The following FGF8 variants were observed in gnomAD, a reference collection of about 807,000 sequenced individuals.
FGF8 encodes fibroblast growth factor 8.
Under a neutral mutation model 29.7 loss-of-function variants are expected in FGF8, and 12 were observed. That is an observed-to-expected ratio of 0.40 (90% CI 0.26 to 0.65). The LOEUF is 0.65. Among genes scored for constraint, FGF8 ranks in the 30% least tolerant of loss-of-function variants. FGF8 has a pLI of 0.37. For synonymous variants in FGF8, 157 were observed against 144.4 expected, an observed-to-expected ratio of 1.09 and a Z score of -0.63; for missense variants, 271 against 345.1, an observed-to-expected ratio of 0.79 and a Z score of 1.70.
chr10:101,778,261 A>C (rs1043383051), upstream of FGF8, among the ~76,000 whole-genome samples: 1 of 152,208 alleles, frequency 6.6e-6, no homozygotes, highest in African/African-American at 2.4e-5. Context: ...TCTGAACATC[A>C]GTGAGATAAG....
Position 101,775,596 on chromosome 10 carries a change from G to C in FGF8, c.69+144C>G. On this transcript the variant is annotated intron_variant, in intron 2 of 5. Coordinates refer to ENST00000320185, the MANE Select transcript of FGF8 (RefSeq NM_033163.5). This position sits in a 1 kb window ranked among gnomAD's most constrained non-coding sequence, Gnocchi z 4.6. ...CTCTCTGTGCCTCAGCTCCCTCCTC[G>C]GGGTGGCTCGGGGCTGGGTTTCTAA... 1.2e-6 allele frequency: 1 copy of C among 862,474 alleles called. No individual in the cohort carries two copies. Among genetic ancestry groups the C allele is most frequent in the Non-Finnish European group, 1.8e-6 (1 of 562,730 alleles). The allele number at this position is 862,474 out of a possible 1,614,324, so 53.4% of individuals were successfully genotyped here.
chr10:101,774,019 C>A (rs763468692), intron 4 of FGF8, among the ~76,000 whole-genome samples: 1 of 152,234 alleles, frequency 6.6e-6, no homozygotes, highest in Admixed American at 6.5e-5. Context: ...TTTAAACTCA[C>A]AATAATCGCT....
Position 101,772,805 on chromosome 10 carries a change from C to T in FGF8, c.338-1236G>A, listed in dbSNP as rs1564631504. On this transcript the variant is annotated intron_variant, in intron 4 of 5. Coordinates refer to ENST00000320185, the MANE Select transcript of FGF8 (RefSeq NM_033163.5). The surrounding 1 kb of genome is among the most constrained non-coding windows in gnomAD (Gnocchi z 4.4). ...GTGCTGGGACCAGTGGCCAAGCCCC[C>T]GGTTTGGCCCCAAGTCAGCAGGGAA... Among the ~76,000 whole-genome samples, 3 of 152,274 alleles carry T rather than the reference C, an allele frequency of 2.0e-5. No individual in the cohort carries two copies. Among genetic ancestry groups the T allele is most frequent in the South Asian group, 4.1e-4 (2 of 4,822 alleles).
In FGF8 at chr10:101,775,614, G is replaced by GT; in HGVS notation, c.69+125dup. The stretch of plus-strand genomic sequence containing the variant: ...CCTCCTCGGGGTGGCTCGGGGCTGG[G>GT]TTTCTAAGGTGCCCTCAGCCCTCCC... On this transcript the variant is annotated intron_variant, in intron 2 of 5. Transcript: ENST00000320185. This position sits in a 1 kb window ranked among gnomAD's most constrained non-coding sequence, Gnocchi z 4.6. 8.8e-7 allele frequency: 1 copy of GT among 1,135,716 alleles called. No homozygotes were observed. Among genetic ancestry groups the GT allele is most frequent in the Non-Finnish European group, 1.2e-6 (1 of 804,106 alleles). The allele number at this position is 1,135,716 out of a possible 1,614,324, so 70.4% of individuals were successfully genotyped here. A position where few individuals can be genotyped will look rare whatever the true frequency, so the allele number is the denominator to read the frequency against.
Position 101,775,844 on chromosome 10 carries a change from C to CGGGGGGGGGGGGGGGGG in FGF8, c.32+24_32+25insCCCCCCCCCCCCCCCCC. The CGGGGGGGGGGGGGGGGG allele has an allele frequency of 8.8e-7, 1 of 1,131,556 alleles. No individual in the cohort carries two copies. Among genetic ancestry groups the CGGGGGGGGGGGGGGGGG allele is most frequent in the Admixed American group, 2.9e-5 (1 of 34,076 alleles). 70.1% of individuals were successfully genotyped at this position (1,131,556 alleles called of 1,614,324 possible). A position where few individuals can be genotyped will look rare whatever the true frequency, so the allele number is the denominator to read the frequency against. On this transcript the variant is annotated intron_variant, in intron 1 of 5. Transcript: ENST00000320185. This position sits in a 1 kb window ranked among gnomAD's most constrained non-coding sequence, Gnocchi z 4.6. ...GGCGAGGGGCGCGGGGGGCGGGTGGCGGGGCAGGGCGGCGCGGTACTCACA... is the reference window on the plus strand; with the variant it reads ...GGCGAGGGGCGCGGGGGGCGGGTGGCGGGGGGGGGGGGGGGGGGGGGCAGGGCGGCGCGGTACTCACA...
upstream of FGF8, among the ~76,000 whole-genome samples, chr10:101,777,636 A>G: frequency 6.6e-6 from 1 of 152,250 alleles, no homozygotes; most frequent in East Asian, 1.9e-4. Flanking sequence ...ATCCTCCTCC[A>G]GGAGTCTGTT....
At chr10:101,778,281 G>C (rs2065114121), upstream of FGF8, among the ~76,000 whole-genome samples, 1 of 152,234 alleles carries the variant, frequency 6.6e-6, no homozygotes, top group Non-Finnish European at 1.5e-5. Context: ...GCAGAGCAGG[G>C]AGTAGGCCCC....
Position 101,775,156 on chromosome 10 carries a change from G to A in FGF8, c.130C>T (p.Arg44Trp), listed in dbSNP as rs781205876. The change falls in exon 3 of 6, where the codon CGG (arginine) becomes TGG (tryptophan). Residue 44 changes from arginine to tryptophan, a missense_variant. Arg to Trp is a moderately radical substitution (Grantham distance 101, BLOSUM62 -3). Coordinates refer to ENST00000320185, the MANE Select transcript of FGF8 (RefSeq NM_033163.5). This position sits in a 1 kb window ranked among gnomAD's most constrained non-coding sequence, Gnocchi z 4.6. The part of the protein sequence containing the change: ...RELASLFRAG[R>W]EPQGVSQQVT... ...TGTTGGGAGACACCCTGGGGCTCCC[G>A]GCCAGCCCGGAACAGGGAAGCGAGC... The A allele has an allele frequency of 9.8e-5, 151 of 1,547,896 alleles. No homozygotes were observed. Among genetic ancestry groups the A allele is most frequent in the South Asian group, 8.5e-4 (71 of 84,012 alleles).
At chr10:101,780,036 G>C (rs578050521), upstream of FGF8, among the ~76,000 whole-genome samples, 1 of 152,212 alleles carries the variant, frequency 6.6e-6, no homozygotes, top group Non-Finnish European at 1.5e-5. Context: ...GTACGACCAC[G>C]AGCGGCTTCA....
In FGF8 at chr10:101,771,551, G is replaced by A. The variant is rs876661329; in HGVS notation, c.356C>T (p.Thr119Met). ...GDPFAKLIVE[T>M]DTFGSRVRVR... ...TCGAACTCTGCTTCCAAAGGTGTCC[G>A]TCTCCACGATGAGCTTTGCTGTCAG... The change falls in exon 5 of 6, where the codon ACG (threonine) becomes ATG (methionine). Residue 119 changes from threonine (T) to methionine (M), a missense_variant. Physicochemically the swap from Thr to Met is moderately conservative, Grantham distance 81. Around this residue, in one of 3 missense-constraint regions of FGF8, gnomAD observed 168 missense variants for 207.0 expected, o/e 0.81. Transcript: ENST00000320185. The surrounding 1 kb of genome is among the most constrained non-coding windows in gnomAD (Gnocchi z 5.3). 1.2e-6 allele frequency: 2 copies of A among 1,614,094 alleles called. No homozygotes were observed. Among genetic ancestry groups the A allele is most frequent in the Non-Finnish European group, 1.7e-6 (2 of 1,179,944 alleles).
In FGF8 at chr10:101,776,075, A is replaced by T; in HGVS notation, c.-175T>A. 1 of 233,348 alleles carries T rather than the reference A, an allele frequency of 4.3e-6. No homozygotes were observed. 14.5% of individuals were successfully genotyped at this position (233,348 alleles called of 1,614,324 possible). Reference sequence around the variant, plus strand: ...ACGTCGTGCTCGCCGCGCCGCACCGAATCGCTGTGCGCCGCTGCCGGAGCC... The same window carrying T: ...ACGTCGTGCTCGCCGCGCCGCACCGTATCGCTGTGCGCCGCTGCCGGAGCC... On this transcript the variant is annotated 5_prime_UTR_variant, in exon 1 of 6. Transcript: ENST00000320185.
chr10:101,770,949 A>AC (rs1268723759), intron 5 of FGF8, among the ~76,000 whole-genome samples: 5 of 149,218 alleles, frequency 3.4e-5, no homozygotes, highest in African/African-American at 9.9e-5. Context: ...TGCCCCTCTC[A>AC]CCCCCCCAGG....
intron 4 of FGF8, among the ~76,000 whole-genome samples, chr10:101,774,252 C>A (rs2065059775): frequency 6.6e-6 from 1 of 152,192 alleles, no homozygotes; most frequent in Non-Finnish European, 1.5e-5. Context: ...CAGGGAGAGC[C>A]CCCTTCCAAG....
At chr10:101,770,843 G>A (rs979417598) in intron 5 of FGF8, among the ~76,000 whole-genome samples, 1 of 152,222 alleles carries the variant, frequency 6.6e-6, no homozygotes, top group African/African-American at 2.4e-5. Context: ...TGTCTACGGA[G>A]GGGCTGGGCC....
At position 101,770,506 on chromosome 10, in the gene FGF8, G is replaced by A. The variant is rs2065007535; in HGVS notation, c.558C>T (p.Gly186=). ...EGWYMAFTRK[G]RPRKGSKTRQ... is the part of the protein sequence containing the mutation. ...GCGTCTTGGAGCCCTTGCGGGGCCG[G>A]CCCTTGCGGGTGAAGGCCATGTACC... The change falls in exon 6 of 6, where the codon GGC becomes GGT. Residue 186 remains glycine, a synonymous_variant. Transcript: ENST00000320185. The A allele has an allele frequency of 6.2e-7, 1 of 1,613,634 alleles. No individual in the cohort carries two copies. The highest frequency in any genetic ancestry group is 8.5e-7 in the Non-Finnish European group (1 of 1,179,946).
rs2064995743 is a variant in FGF8 at position 101,770,136 on chromosome 10, T to C, written c.*193A>G. 1 of 554,110 alleles carries C rather than the reference T, an allele frequency of 1.8e-6. No homozygotes were observed. The highest frequency in any genetic ancestry group is 3.6e-5 in the Admixed American group (1 of 27,612). 34.3% of individuals were successfully genotyped at this position (554,110 alleles called of 1,614,324 possible). ...GAATACAAAAATAGAGCCTCTCTTT[T>C]GTTTTAAAAAAAAAAAAAAAAAAAA... On this transcript the variant is annotated 3_prime_UTR_variant, in exon 6 of 6. Transcript: ENST00000320185.
Position 101,771,527 on chromosome 10 carries a change from C to G in FGF8, c.380G>C (p.Arg127Pro). 6.2e-7 allele frequency: 1 copy of G among 1,614,204 alleles called. No individual in the cohort carries two copies. The highest frequency in any genetic ancestry group is 2.2e-5 in the East Asian group (1 of 44,870). Residue 127 changes from arginine (R) to proline (P), a missense_variant, in exon 5 of 6, where the codon CGA (arginine) becomes CCA (proline). By Grantham distance (103) the Arg-to-Pro change is moderately radical. Coordinates refer to ENST00000320185, the MANE Select transcript of FGF8 (RefSeq NM_033163.5). The surrounding 1 kb of genome is among the most constrained non-coding windows in gnomAD (Gnocchi z 5.3). Reference sequence around the variant, plus strand: ...GAGGCCCGTCTCGGCTCCTCGGACTCGAACTCTGCTTCCAAAGGTGTCCGT... The same window carrying G: ...GAGGCCCGTCTCGGCTCCTCGGACTGGAACTCTGCTTCCAAAGGTGTCCGT... ...VETDTFGSRV[R>P]VRGAETGLYI... is the part of the protein sequence containing the mutation.
chr10:101,775,144 C>T lies in FGF8; in HGVS notation c.142G>A (p.Gly48Ser). 1 of 1,548,592 alleles carries T rather than the reference C, an allele frequency of 6.5e-7. No individual in the cohort carries two copies. Among genetic ancestry groups the T allele is most frequent in the Non-Finnish European group, 8.7e-7 (1 of 1,147,124 alleles). Residue 48 changes from glycine to serine, a missense_variant, in exon 3 of 6, where the codon GGT becomes AGT. Gly to Ser is a moderately conservative substitution (Grantham distance 56, BLOSUM62 0). This residue lies in a region of FGF8 where 168 missense variants were observed against 207.0 expected (regional missense o/e 0.81). Coordinates refer to ENST00000320185, the MANE Select transcript of FGF8 (RefSeq NM_033163.5). This position sits in a 1 kb window ranked among gnomAD's most constrained non-coding sequence, Gnocchi z 4.6. ...GCTGGACCCACCTGTTGGGAGACAC[C>T]CTGGGGCTCCCGGCCAGCCCGGAAC... ...SLFRAGREPQ[G>S]VSQQVTVQSS...
In FGF8 at chr10:101,770,365, G is replaced by A. The variant is rs750561138; in HGVS notation, c.699C>T (p.Arg233=). 12 of 1,599,778 alleles carry A rather than the reference G, an allele frequency of 7.5e-6. No homozygotes were observed. Among genetic ancestry groups the A allele is most frequent in the South Asian group, 1.1e-5 (1 of 88,788 alleles). The change falls in exon 6 of 6, where the codon CGC becomes CGT. Residue 233 remains arginine, a synonymous_variant. Transcript: ENST00000320185. ...CGGGGGCCCAAGTCCTCTGGCTGCC[G>A]CGCAGGCTGCGCGTGAAGGGCGGGT... ...LNYPPFTRSL[R]GSQRTWAPEP...
Sources: allele counts gnomAD v4.1 joint callset (sites outside exome capture counted in the v4.1 genomes callset), GRCh38; gene constraint gnomAD v4.1.1; regional missense constraint gnomAD v4.1.1; non-coding constraint Gnocchi (gnomAD v3.1); transcripts MANE v1.5; gene names NCBI Gene and HGNC (gene_info 2026-07-23, HGNC 2026-07-21).